Variants in HOOK1 observed in about 807,000 individuals in gnomAD.
HOOK1 encodes protein Hook homolog 1.
HOOK1 carries 60 observed loss-of-function variants against 112.8 expected under a neutral mutation model. The observed-to-expected ratio is 0.53, with a 90% CI of 0.43 to 0.66. The LOEUF (loss-of-function observed/expected upper bound fraction) is 0.66, where lower values mean the gene tolerates loss of function less well. HOOK1 is among the 30% of genes least tolerant of loss of function. The probability of loss-of-function intolerance (pLI) is 0.00; values close to 1 mark genes in which losing one functional copy is unlikely to be tolerated. For synonymous variants in HOOK1, 294 were observed against 283.8 expected (o/e 1.04, Z -0.36); for missense variants, 770 against 856.0 (o/e 0.90, Z 1.25).
chr1:59,853,138 A>T (rs1381329911), intron 12 of HOOK1, among the ~76,000 whole-genome samples: 2 of 152,038 alleles, frequency 1.3e-5, no homozygotes, highest in Non-Finnish European at 2.9e-5. Flanking sequence ...AGTTAGGTCT[A>T]GTTGGTTTAT....
chr1:59,828,994 T>G (rs2098391952), intron 3 of HOOK1, 142 bp downstream of exon 3: 1 of 619,198 alleles, frequency 1.6e-6, no homozygotes. Context: ...TATTCTCTCA[T>G]GTAACTACCA....
rs1644079596 is a variant in HOOK1, at chr1:59,872,889, T to C, written c.2111T>C (p.Phe704Ser). ...GGTGCGTGCACTCCTGCGCGGTCTT[T>C]CTTAGCGCAGCAACGGCACATCACC... ...DTGACTPARS[F>S]LAQQRHITNT... Residue 704 changes from phenylalanine to serine, a missense_variant, in exon 22 of 22, where the codon TTC (phenylalanine) becomes TCC (serine). Coordinates refer to ENST00000371208, the MANE Select transcript of HOOK1 (RefSeq NM_015888.6). The C allele has an allele frequency of 1.3e-6, 2 of 1,529,566 alleles. No homozygotes were observed. Among genetic ancestry groups the C allele is most frequent in the African/African-American group, 1.4e-5 (1 of 72,592 alleles). 94.7% of individuals were successfully genotyped at this position (1,529,566 alleles called of 1,614,324 possible).
At chr1:59,842,611 A>G (rs1434488368) in intron 8 of HOOK1, among the ~76,000 whole-genome samples, 1 of 152,152 alleles carries the variant, frequency 6.6e-6, no homozygotes, top group Admixed American at 6.6e-5. Flanking sequence ...ATTGAATTAC[A>G]TGTTTTGAAG....
At chr1:59,867,306 T>C (rs1643982552) in intron 19 of HOOK1, among the ~76,000 whole-genome samples, 2 of 152,322 alleles carry the variant, frequency 1.3e-5, no homozygotes, top group Non-Finnish European at 2.9e-5. Context: ...TCTGCTTTTA[T>C]GGTGTGCATT....
intron 8 of HOOK1, among the ~76,000 whole-genome samples, chr1:59,841,733 G>GTACA (rs1165931714): frequency 6.6e-6 from 1 of 152,068 alleles, no homozygotes; most frequent in African/African-American, 2.4e-5. Context: ...TAGGATCTAG[G>GTACA]TACAGTCTTC....
chr1:59,840,280 C>T (rs2098400381), intron 7 of HOOK1, 28 bp from the exon 8 acceptor site: 3 of 1,483,078 alleles, frequency 2.0e-6, no homozygotes, highest in Non-Finnish European at 1.8e-6. Flanking sequence ...ACACGATTTA[C>T]TAAGATTTAG....
chr1:59,843,537 G>T lies in HOOK1; in HGVS notation c.727G>T (p.Val243Phe). 3 of 1,608,896 alleles carry T rather than the reference G, an allele frequency of 1.9e-6. No individual in the cohort carries two copies. The highest frequency in any genetic ancestry group is 2.5e-6 in the Non-Finnish European group (3 of 1,177,572). ...CTCTTTTGATGATCCAAACACAGTG[G>T]TTGCAAAAAAGTATTTTCATGCACA... ...DGSFDDPNTV[V>F]AKKYFHAQLQ... Residue 243 changes from valine (V) to phenylalanine (F), a missense_variant, in exon 9 of 22, where the codon GTT becomes TTT. Physicochemically the swap from Val to Phe is conservative, Grantham distance 50. This residue lies in a region of HOOK1 where 655 missense variants were observed against 725.9 expected (regional missense o/e 0.90). Coordinates refer to ENST00000371208, the MANE Select transcript of HOOK1 (RefSeq NM_015888.6).
At chr1:59,859,795 T>C in intron 14 of HOOK1, among the ~76,000 whole-genome samples, 1 of 152,162 alleles carries the variant, frequency 6.6e-6, no homozygotes, top group Non-Finnish European at 1.5e-5. Flanking sequence ...CTTAAATCTA[T>C]TGCTTTTCTT....
At chr1:59,837,645 G>C (rs1456041839) in intron 7 of HOOK1, among the ~76,000 whole-genome samples, 4 of 151,994 alleles carry the variant, frequency 2.6e-5, no homozygotes, top group Admixed American at 6.6e-5. Flanking sequence ...GTAGTTCTGT[G>C]GGACTGTAGC....
chr1:59,865,028 C>T lies in HOOK1; in HGVS notation c.1662-135C>T, dbSNP rs542285263. The T allele has an allele frequency of 2.2e-5, 14 of 627,302 alleles. No individual in the cohort carries two copies. The Admixed American group carries it at 4.0e-4, about 18-fold the overall frequency. The allele number at this position is 627,302 out of a possible 1,614,324, so 38.9% of individuals were successfully genotyped here. A position where few individuals can be genotyped will look rare whatever the true frequency, so the allele number is the denominator to read the frequency against. ...CCGTGTGCCTGACTGTTTACATCCT[C>T]ATGACAACCCCTGCAGTCATGCAGA... On this transcript the variant is annotated intron_variant, in intron 17 of 21. Coordinates refer to ENST00000371208, the MANE Select transcript of HOOK1 (RefSeq NM_015888.6).
intron 12 of HOOK1, among the ~76,000 whole-genome samples, chr1:59,851,986 T>G (rs949628430): frequency 3.3e-5 from 5 of 151,758 alleles, no homozygotes; most frequent in Admixed American, 3.3e-4. Context: ...TTTTTTCATG[T>G]TAAACCGATC....
At position 59,875,945 on chromosome 1, in the gene HOOK1, C is replaced by G. The variant is rs537736318; in HGVS notation, c.*2980C>G. 54 of 152,512 alleles carry G rather than the reference C, an allele frequency of 3.5e-4. No homozygotes were observed. The highest frequency in any genetic ancestry group is 4.7e-4 in the Non-Finnish European group (32 of 68,004). The allele number at this position is 152,512 out of a possible 1,614,324, so 9.4% of individuals were successfully genotyped here. On this transcript the variant is annotated 3_prime_UTR_variant, in exon 22 of 22. Coordinates refer to ENST00000371208, the MANE Select transcript of HOOK1 (RefSeq NM_015888.6). Reference sequence around the variant, plus strand: ...TTAGATAATGTTTCCACATCTATACCTATTTCTTTCTAGGGCACTTCTGAC... The same window carrying G: ...TTAGATAATGTTTCCACATCTATACGTATTTCTTTCTAGGGCACTTCTGAC...
In HOOK1 at chr1:59,871,110, G is replaced by GCT; in HGVS notation, c.2016_2016+1insCT (p.Ser673LeufsTer3). 1.9e-6 allele frequency: 3 copies of GCT among 1,608,632 alleles called. No homozygotes were observed. The highest frequency in any genetic ancestry group is 2.6e-6 in the Non-Finnish European group (3 of 1,175,800). ...TCATTGTTTCTGCGTGGTATAATAA[G>GCT]GTGAGCTGAAGTTCAGCAAATGATT... is the stretch of plus-strand genomic sequence containing the variant. On this transcript the variant is annotated frameshift_variant and splice_region_variant. Coordinates refer to ENST00000371208, the MANE Select transcript of HOOK1 (RefSeq NM_015888.6). LOFTEE classifies it high-confidence loss of function.
intron 12 of HOOK1, among the ~76,000 whole-genome samples, chr1:59,854,023 TATATATATATATATA>T (rs1397294860): frequency 1.7e-3 from 46 of 26,734 alleles, no homozygotes; most frequent in African/African-American, 5.7e-3. Context: ...TATATATATA[TATATATATATATATA>T]TTTTTTTTTT....
At chr1:59,857,163 A>G (rs567091214) in intron 12 of HOOK1, among the ~76,000 whole-genome samples, 13 of 152,224 alleles carry the variant, frequency 8.5e-5, no homozygotes, top group African/African-American at 2.6e-4. Context: ...GTCCCTACAA[A>G]TGGGATTTAG....
rs1227789734 is a variant in HOOK1, at chr1:59,822,166, AGGATT to A, written c.149+224_149+228del. On this transcript the variant is annotated intron_variant, in intron 2 of 21. Coordinates refer to ENST00000371208, the MANE Select transcript of HOOK1 (RefSeq NM_015888.6). ...ATACATCTTAACTGGATATGTGATC[AGGATT>A]CTTATTTATTCAAGTTAACTTATTT... 3.3e-5 allele frequency among the ~76,000 whole-genome samples: 5 copies of A among 152,342 alleles called. No individual in the cohort carries two copies. In the East Asian group the frequency reaches 9.6e-4, roughly 29 times the overall value.
chr1:59,819,205 A>G (rs1220862332), intron 1 of HOOK1, among the ~76,000 whole-genome samples: 2 of 124,212 alleles, frequency 1.6e-5, no homozygotes, highest in Non-Finnish European at 3.1e-5. Flanking sequence ...GCTATAGTGC[A>G]GTGGCATGAT....
intron 9 of HOOK1, among the ~76,000 whole-genome samples, chr1:59,845,414 T>G (rs2102038759): frequency 6.6e-6 from 1 of 152,100 alleles, no homozygotes; most frequent in Middle Eastern, 3.4e-3. Context: ...TTTCCTTGCC[T>G]TGTTGCAAGA....
At chr1:59,837,846 GC>G (rs1443639058) in intron 7 of HOOK1, among the ~76,000 whole-genome samples, 2 of 151,874 alleles carry the variant, frequency 1.3e-5, no homozygotes, top group South Asian at 2.1e-4. Context: ...CCCTTTCCTA[GC>G]CCCCCACCCC....
Sources: gnomAD v4.1 joint callset for allele counts (sites outside exome capture counted in the v4.1 genomes callset) on GRCh38, gnomAD v4.1.1 for gene constraint, gnomAD v4.1.1 regional missense constraint, MANE v1.5 for transcripts, NCBI Gene and HGNC (gene_info 2026-07-23, HGNC 2026-07-21) for gene names.